The following UBP1 variants were observed in gnomAD, a reference collection of about 807,000 sequenced individuals.
UBP1 encodes the protein upstream binding protein 1.
A neutral mutation model predicts 76.1 loss-of-function variants in UBP1; 22 were observed. The ratio of observed to expected loss-of-function variants is 0.29; its 90% confidence interval spans 0.21 to 0.41. UBP1 has a LOEUF of 0.41. UBP1 is among the 10% of genes least tolerant of loss of function. The probability of loss-of-function intolerance (pLI) is 1.00; values close to 1 mark genes in which losing one functional copy is unlikely to be tolerated. For synonymous variants in UBP1, 224 were observed against 237.1 expected, an observed-to-expected ratio of 0.94 and a Z score of 0.51; for missense variants, 436 against 668.1, an observed-to-expected ratio of 0.65 and a Z score of 3.83.
intron 9 of UBP1, 78 bp downstream of exon 9, chr3:33,402,723 C>A (rs2044275427): frequency 6.7e-6 from 7 of 1,038,658 alleles, no homozygotes; most frequent in African/African-American, 1.7e-5. Context: ...CAAAAGGCTG[C>A]TGTACATGGA....
intron 2 of UBP1, among the ~76,000 whole-genome samples, chr3:33,419,280 A>T (rs1310298528): frequency 6.6e-6 from 1 of 152,140 alleles, no homozygotes; most frequent in Non-Finnish European, 1.5e-5. Flanking sequence ...AGATTACTTG[A>T]GGTCAGGAGT....
At position 33,440,129 on chromosome 3, in the gene UBP1, C is replaced by T; in HGVS notation, c.-281G>A. The stretch of plus-strand genomic sequence containing the variant: ...TGCCGGCGCCGCCGCCCAGCCCCCG[C>T]GCCGCTAGCGCTGCAGCCGCCGCCG... On this transcript the variant is annotated 5_prime_UTR_variant, in exon 1 of 16. Transcript: ENST00000283629. 4.4e-6 allele frequency: 1 copy of T among 229,562 alleles called. No homozygotes were observed. Among genetic ancestry groups the T allele is most frequent in the Non-Finnish European group, 8.4e-6 (1 of 119,154 alleles). The allele number at this position is 229,562 out of a possible 1,614,324, so 14.2% of individuals were successfully genotyped here.
At position 33,434,183 on chromosome 3, in the gene UBP1, A is replaced by G. The variant is rs186332153; in HGVS notation, c.113+5553T>C. ...ACCCTAATTTTAAAAACTGAACACAATAAAAATCTATAGACAAACAATGGA... is the reference window on the plus strand; with the variant it reads ...ACCCTAATTTTAAAAACTGAACACAGTAAAAATCTATAGACAAACAATGGA... On this transcript the variant is annotated intron_variant, in intron 1 of 15. Transcript: ENST00000283629. Among the ~76,000 whole-genome samples the G allele has an allele frequency of 1.8e-3, 269 of 152,244 alleles. 1 individual carries two copies. Among genetic ancestry groups the G allele is most frequent in the African/African-American group, 6.2e-3 (259 of 41,538 alleles).
At chr3:33,425,865 G>T (rs1444077155) in intron 1 of UBP1, 124 bp from the exon 2 acceptor site, 15 of 684,852 alleles carry the variant, frequency 2.2e-5, no homozygotes, top group South Asian at 4.5e-5. Context: ...TTTAGGGATA[G>T]TTTTTTTTTT....
intron 2 of UBP1, among the ~76,000 whole-genome samples, chr3:33,422,675 T>C (rs1372420453): frequency 7.3e-6 from 1 of 137,160 alleles, no homozygotes; most frequent in African/African-American, 2.8e-5. Flanking sequence ...CAATAAGTCA[T>C]GATTGTACCA....
intron 3 of UBP1, among the ~76,000 whole-genome samples, chr3:33,413,546 CAAA>C (rs926941278): frequency 5.4e-5 from 3 of 55,410 alleles, no homozygotes; most frequent in Non-Finnish European, 1.1e-4. Context: ...GACTCCATCA[CAAA>C]AAAAAAAAAA....
At chr3:33,401,398 A>G (rs17029983) in intron 9 of UBP1, among the ~76,000 whole-genome samples, 19,320 of 152,170 alleles carry the variant, frequency 0.13, 1,768 homozygotes, top group East Asian at 0.43. Context: ...AATAATTGCA[A>G]AAAAAATGAG....
intron 8 of UBP1, 31 bp from the exon 9 acceptor site, chr3:33,402,935 T>C: frequency 2.6e-6 from 4 of 1,535,734 alleles, no homozygotes; most frequent in Non-Finnish European, 2.7e-6. Context: ...AAATTAGTGA[T>C]ATGCTTTTAA....
At chr3:33,431,108 T>C (rs544842943) in intron 1 of UBP1, among the ~76,000 whole-genome samples, 1 of 152,074 alleles carries the variant, frequency 6.6e-6, no homozygotes, top group Non-Finnish European at 1.5e-5. Context: ...ACTGTCCAAA[T>C]TAAGAACTCA....
At chr3:33,429,309 TA>T (rs1410941260) in intron 1 of UBP1, among the ~76,000 whole-genome samples, 1 of 152,180 alleles carries the variant, frequency 6.6e-6, no homozygotes, top group African/African-American at 2.4e-5. Flanking sequence ...TTTTGAGTAC[TA>T]AAGACAGAAT....
At chr3:33,390,617 C>G (rs2043722595) in intron 15 of UBP1, 2 of 546,664 alleles carry the variant, frequency 3.7e-6, no homozygotes, top group African/African-American at 1.9e-5. Context: ...ACACTGTCTG[C>G]CAGTTCTGGG....
At position 33,400,276 on chromosome 3, in the gene UBP1, G is replaced by T; in HGVS notation, c.1093C>A (p.Gln365Lys). 1 of 1,596,078 alleles carries T rather than the reference G, an allele frequency of 6.3e-7. No homozygotes were observed. The highest frequency in any genetic ancestry group is 1.2e-5 in the South Asian group (1 of 86,878). The part of the protein sequence containing the change: ...GASQTSGEQI[Q>K]PSATIQETQQ... The stretch of plus-strand genomic sequence containing the variant: ...GTTTCCTGGATCGTAGCTGAAGGCT[G>T]AATTTGCTATTAACAATGAAAATGA... Residue 365 changes from glutamine (Q) to lysine (K), a missense_variant, in exon 11 of 16, where the codon CAG becomes AAG. Gln to Lys is a moderately conservative substitution (Grantham distance 53). Coordinates refer to ENST00000283629, the MANE Select transcript of UBP1 (RefSeq NM_014517.5).
intron 11 of UBP1, chr3:33,397,877 A>G (rs1384985982): frequency 6.6e-6 from 1 of 152,124 alleles, no homozygotes; most frequent in Non-Finnish European, 1.5e-5. Flanking sequence ...CTTACCATAC[A>G]AGAAAAAAAA....
At chr3:33,392,909 C>CA in intron 14 of UBP1, 1 of 363,628 alleles carries the variant, frequency 2.8e-6, no homozygotes, top group Non-Finnish European at 4.9e-6. Flanking sequence ...GCATAAAGTG[C>CA]TCTTCTATTA....
intron 2 of UBP1, among the ~76,000 whole-genome samples, chr3:33,420,651 G>A (rs2044866158): frequency 6.6e-6 from 1 of 152,200 alleles, no homozygotes; most frequent in African/African-American, 2.4e-5. Flanking sequence ...AGTACGCCCA[G>A]CTAATTTTTG....
intron 4 of UBP1, among the ~76,000 whole-genome samples, chr3:33,412,102 A>T (rs1019180217): frequency 1.3e-5 from 2 of 149,904 alleles, no homozygotes; most frequent in Non-Finnish European, 3.0e-5. Flanking sequence ...CACAAGAATC[A>T]CTTGAACCCA....
intron 1 of UBP1, among the ~76,000 whole-genome samples, chr3:33,430,364 G>C (rs2045092511): frequency 6.6e-6 from 1 of 152,188 alleles, no homozygotes; most frequent in Admixed American, 6.5e-5. Context: ...GTACTGGTTA[G>C]CTTCTCCAGC....
intron 14 of UBP1, 123 bp from the exon 15 acceptor site, chr3:33,392,737 C>A: frequency 1.1e-6 from 1 of 877,198 alleles, no homozygotes; most frequent in Non-Finnish European, 1.7e-6. Flanking sequence ...AACGATAATT[C>A]ATGAAGGCAG....
intron 13 of UBP1, 72 bp downstream of exon 13, chr3:33,396,090 C>A: frequency 1.5e-6 from 2 of 1,364,976 alleles, no homozygotes; most frequent in Non-Finnish European, 1.0e-6. Context: ...CCAAAGCCTG[C>A]TCAATCGAGT....
Sources: allele counts gnomAD v4.1 joint callset (sites outside exome capture counted in the v4.1 genomes callset), GRCh38; gene constraint gnomAD v4.1.1; transcripts MANE v1.5; gene names NCBI Gene and HGNC (gene_info 2026-07-23, HGNC 2026-07-21).